Variants in ENTREP2 observed in about 807,000 individuals in gnomAD.
ENTREP2 encodes the protein endosomal transmembrane epsin interactor 2.
chr15:29,254,864 C>A, the ENTREP2 span, among the ~76,000 whole-genome samples: 1 of 152,060 alleles, frequency 6.6e-6, no homozygotes, highest in Admixed American at 6.6e-5. Context: ...ACAAACAAAC[C>A]AACAAACAAA....
the ENTREP2 span, among the ~76,000 whole-genome samples, chr15:29,300,584 G>A: frequency 6.6e-6 from 1 of 152,074 alleles, no homozygotes; most frequent in African/African-American, 2.4e-5. Context: ...TGAGAAGGAA[G>A]CGAGGTACAG....
chr15:29,405,784 C>T, the ENTREP2 span, among the ~76,000 whole-genome samples: 12 of 152,222 alleles, frequency 7.9e-5, no homozygotes, highest in South Asian at 6.2e-4. Context: ...GCTGTCGGCA[C>T]GCACAAGGTT....
chr15:29,227,209 G>C, the ENTREP2 span, among the ~76,000 whole-genome samples: 1 of 152,200 alleles, frequency 6.6e-6, no homozygotes, highest in East Asian at 1.9e-4. Context: ...GGCAGGAAGA[G>C]GGAGATAGGA....
the ENTREP2 span, among the ~76,000 whole-genome samples, chr15:29,371,917 TAGATAGATAGATAG>T: frequency 1.2e-5 from 1 of 85,842 alleles, no homozygotes; most frequent in East Asian, 5.1e-4. Context: ...AATAAATAGA[TAGATAGATAGATAG>T]ATAGATAGAT....
the ENTREP2 span, among the ~76,000 whole-genome samples, chr15:29,159,810 C>T: frequency 6.6e-6 from 1 of 152,162 alleles, no homozygotes; most frequent in South Asian, 2.1e-4. Context: ...ATTTATAATC[C>T]CTTAGCTAGA....
At chr15:29,216,513 T>C in the ENTREP2 span, among the ~76,000 whole-genome samples, 3 of 152,212 alleles carry the variant, frequency 2.0e-5, no homozygotes, top group Non-Finnish European at 2.9e-5. Context: ...TATCTAGGTC[T>C]CTAGCAAGGC....
At chr15:29,292,139 G>A in the ENTREP2 span, among the ~76,000 whole-genome samples, 1 of 152,160 alleles carries the variant, frequency 6.6e-6, no homozygotes, top group East Asian at 1.9e-4. Context: ...GCTGGAGACT[G>A]ACACTTACTG....
the ENTREP2 span, among the ~76,000 whole-genome samples, chr15:29,663,162 A>G: frequency 6.6e-6 from 1 of 152,106 alleles, no homozygotes; most frequent in Non-Finnish European, 1.5e-5. Context: ...GTGCTTCACA[A>G]GGATATAGGG....
chr15:29,150,921 G>C, the ENTREP2 span, among the ~76,000 whole-genome samples: 1 of 152,016 alleles, frequency 6.6e-6, no homozygotes, highest in Admixed American at 6.6e-5. Flanking sequence ...AAGAGACCGA[G>C]GCAGAAAGAC....
the ENTREP2 span, among the ~76,000 whole-genome samples, chr15:29,475,541 A>C: frequency 6.6e-6 from 1 of 152,142 alleles, no homozygotes; most frequent in East Asian, 1.9e-4. Context: ...AAAAAACACA[A>C]CCCAGTGGGC....
chr15:29,367,569 G>A, the ENTREP2 span, among the ~76,000 whole-genome samples: 41 of 152,156 alleles, frequency 2.7e-4, no homozygotes, highest in East Asian at 3.9e-4. Flanking sequence ...CTTTTGAAAC[G>A]CCCCAATATA....
the ENTREP2 span, among the ~76,000 whole-genome samples, chr15:29,360,488 T>C: frequency 2.0e-5 from 3 of 152,242 alleles, no homozygotes; most frequent in Admixed American, 6.5e-5. Context: ...CTGTGAACTA[T>C]AGATTAATTT....
At chr15:29,366,366 C>G in the ENTREP2 span, among the ~76,000 whole-genome samples, 1 of 152,208 alleles carries the variant, frequency 6.6e-6, no homozygotes, top group Non-Finnish European at 1.5e-5. Flanking sequence ...TGAGCCACTG[C>G]ATCCGACCTT....
chr15:29,387,370 T>C, the ENTREP2 span, among the ~76,000 whole-genome samples: 13,218 of 152,232 alleles, frequency 0.087, 748 homozygotes, highest in Non-Finnish European at 0.13. Flanking sequence ...CCATTCACAA[T>C]TGATTCAAAG....
chr15:29,269,091 T>TA, the ENTREP2 span: 1 of 1,614,148 alleles, frequency 6.2e-7, no homozygotes. Context: ...GGTAGACCCC[T>TA]AAGCGCCGCA....
chr15:29,400,255 A>G, the ENTREP2 span, among the ~76,000 whole-genome samples: 1 of 152,200 alleles, frequency 6.6e-6, no homozygotes, highest in Admixed American at 6.5e-5. Context: ...ATGTGCAAGC[A>G]AAGACTGGTT....
chr15:29,132,647 C>G, the ENTREP2 span, among the ~76,000 whole-genome samples: 1 of 152,234 alleles, frequency 6.6e-6, no homozygotes. Flanking sequence ...GGTTTCAGAA[C>G]CAGCCAGATC....
At chr15:29,621,979 G>A in the ENTREP2 span, among the ~76,000 whole-genome samples, 2 of 152,032 alleles carry the variant, frequency 1.3e-5, no homozygotes, top group East Asian at 1.9e-4. Context: ...AACAAATACC[G>A]CGTTATTCCA....
the ENTREP2 span, among the ~76,000 whole-genome samples, chr15:29,392,748 T>C: frequency 0.56 from 84,520 of 152,128 alleles, 26,243 homozygotes; most frequent in Admixed American, 0.69. Flanking sequence ...TCTTCAGATA[T>C]TGTATCTTCG....
Sources: allele counts gnomAD v4.1 joint callset (sites outside exome capture counted in the v4.1 genomes callset), GRCh38; gene constraint gnomAD v4.1.1; transcripts MANE v1.5; gene names NCBI Gene and HGNC (gene_info 2026-07-23, HGNC 2026-07-21).